The following DAP3 variants were observed in gnomAD, a reference collection of about 807,000 sequenced individuals.
DAP3 encodes the protein small ribosomal subunit protein mS29.
DAP3 carries 28 observed loss-of-function variants against 51.9 expected under a neutral mutation model. That is an observed-to-expected ratio of 0.54 (90% confidence interval 0.40 to 0.74). DAP3 has a LOEUF of 0.74. Ranked by LOEUF, DAP3 falls within the 30% of genes least tolerant of loss-of-function variation. The pLI, the probability that DAP3 is intolerant of heterozygous loss-of-function variation, is 0.00. For synonymous variants in DAP3, 170 were observed against 170.3 expected (o/e 1.00, Z 0.01); for missense variants, 458 against 483.5 (o/e 0.95, Z 0.49).
At position 155,729,115 on chromosome 1, in the gene DAP3, T is replaced by A. The variant is rs749717538; in HGVS notation, c.677T>A (p.Val226Asp). ...AAAGGGAGTCCTCTGGGAGAAGTGG[T>A]TGAACAGGTATAAGAAAAAACACTG... Reference protein sequence around the residue: ...TEKGSPLGEVVEQGITRVRNA... With the variant: ...TEKGSPLGEVDEQGITRVRNA... The change falls in exon 8 of 13, where the codon GTT becomes GAT. Residue 226 changes from valine (V) to aspartate (D), a missense_variant. By Grantham distance (152) the Val-to-Asp change is radical. Transcript: ENST00000368336. 2.5e-6 allele frequency: 4 copies of A among 1,614,016 alleles called. No homozygotes were observed. The highest frequency in any genetic ancestry group is 3.4e-6 in the Non-Finnish European group (4 of 1,179,996).
chr1:155,723,367 C>T (rs1436331391), intron 4 of DAP3, among the ~76,000 whole-genome samples: 1 of 151,922 alleles, frequency 6.6e-6, no homozygotes, highest in Non-Finnish European at 1.5e-5. Context: ...TCACTTTTGT[C>T]GCCCAGGCTG....
intron 10 of DAP3, among the ~76,000 whole-genome samples, chr1:155,731,738 A>G (rs1471370324): frequency 6.6e-6 from 1 of 152,172 alleles, no homozygotes; most frequent in African/African-American, 2.4e-5. Flanking sequence ...AGACCCACAA[A>G]TATGTCATGG....
In DAP3 at chr1:155,738,317, C is replaced by G; in HGVS notation, c.*75C>G. 6.5e-7 allele frequency: 1 copy of G among 1,535,098 alleles called. No homozygotes were observed. The highest frequency in any genetic ancestry group is 8.9e-7 in the Non-Finnish European group (1 of 1,118,792). On this transcript the variant is annotated 3_prime_UTR_variant, in exon 13 of 13. Coordinates refer to ENST00000368336, the MANE Select transcript of DAP3 (RefSeq NM_004632.4). Reference sequence around the variant, plus strand: ...GACCCAGTAAGATGAGGAAGTCGGGCAGTACACAGGAAGAGGAGCCAGGCC... The same window carrying G: ...GACCCAGTAAGATGAGGAAGTCGGGGAGTACACAGGAAGAGGAGCCAGGCC...
At chr1:155,698,203 G>A (rs763276102) in intron 1 of DAP3, among the ~76,000 whole-genome samples, 7 of 151,830 alleles carry the variant, frequency 4.6e-5, no homozygotes, top group East Asian at 1.9e-4. Flanking sequence ...CCCAGCTTAC[G>A]AAGATGACGG....
chr1:155,724,431 C>T (rs1179173971), intron 4 of DAP3, among the ~76,000 whole-genome samples: 5 of 150,148 alleles, frequency 3.3e-5, no homozygotes, highest in African/African-American at 9.8e-5. Flanking sequence ...GTCAGGAGTT[C>T]GAGACCAGCC....
At chr1:155,695,141 T>G (rs1338808075) in intron 1 of DAP3, among the ~76,000 whole-genome samples, 1 of 152,236 alleles carries the variant, frequency 6.6e-6, no homozygotes, top group Non-Finnish European at 1.5e-5. Context: ...TTAATTTTTG[T>G]GGAATTCCCA....
At chr1:155,714,906 A>G (rs1657147413) in intron 2 of DAP3, among the ~76,000 whole-genome samples, 1 of 151,992 alleles carries the variant, frequency 6.6e-6, no homozygotes, top group Non-Finnish European at 1.5e-5. Flanking sequence ...TCTGCACTCA[A>G]AAAGCTGCTT....
rs1659868685 is a variant in DAP3 at position 155,736,959 on chromosome 1, C to T, written c.1007C>T (p.Ala336Val). 1 of 1,613,418 alleles carries T rather than the reference C, an allele frequency of 6.2e-7. No homozygotes were observed. The highest frequency in any genetic ancestry group is 2.2e-5 in the East Asian group (1 of 44,866). The change falls in exon 12 of 13, where the codon GCC becomes GTC. Residue 336 changes from alanine (A) to valine (V), a missense_variant. By Grantham distance (64) the Ala-to-Val change is moderately conservative. Coordinates refer to ENST00000368336, the MANE Select transcript of DAP3 (RefSeq NM_004632.4). The part of the protein sequence containing the change: ...QELLGKEGFD[A>V]LDPFIPILVS... Reference sequence around the variant, plus strand: ...TTTCTTCCCCAGGAAGGATTTGATGCCCTGGATCCCTTTATTCCCATCCTG... The same window carrying T: ...TTTCTTCCCCAGGAAGGATTTGATGTCCTGGATCCCTTTATTCCCATCCTG...
At chr1:155,703,335 G>A (rs1420584806) in intron 1 of DAP3, among the ~76,000 whole-genome samples, 1 of 152,206 alleles carries the variant, frequency 6.6e-6, no homozygotes, top group Non-Finnish European at 1.5e-5. Context: ...GCAGGCAAGA[G>A]AGCATGAGAG....
chr1:155,694,812 C>A (rs1172244413), intron 1 of DAP3, among the ~76,000 whole-genome samples: 1 of 152,160 alleles, frequency 6.6e-6, no homozygotes, highest in Non-Finnish European at 1.5e-5. Context: ...AAAGTCCTTC[C>A]ACCACACAGG....
chr1:155,705,099 G>A (rs527607997), intron 1 of DAP3, among the ~76,000 whole-genome samples: 7 of 147,112 alleles, frequency 4.8e-5, no homozygotes, highest in African/African-American at 1.0e-4. Context: ...CAAGACCATC[G>A]CTGGCAACAT....
upstream of DAP3, chr1:155,688,031 G>A (rs1447995270): frequency 6.5e-7 from 1 of 1,530,184 alleles, no homozygotes; most frequent in Non-Finnish European, 8.8e-7. Flanking sequence ...CGCTGAGAGA[G>A]TGCTTAGGCC....
chr1:155,723,541 C>G (rs1166458926), intron 4 of DAP3, among the ~76,000 whole-genome samples: 1 of 151,924 alleles, frequency 6.6e-6, no homozygotes, highest in Non-Finnish European at 1.5e-5. Context: ...ATTGGCCAGG[C>G]TGGTCTCCAA....
At chr1:155,728,349 G>A (rs1409515683) in intron 7 of DAP3, among the ~76,000 whole-genome samples, 1 of 152,168 alleles carries the variant, frequency 6.6e-6, no homozygotes, top group African/African-American at 2.4e-5. Context: ...ATCACCTGAG[G>A]TCAGGAGTTC....
At chr1:155,730,819 C>T (rs1351019065) in intron 9 of DAP3, among the ~76,000 whole-genome samples, 1 of 151,948 alleles carries the variant, frequency 6.6e-6, no homozygotes, top group South Asian at 2.1e-4. Flanking sequence ...CAGAGGAGAT[C>T]AGAAGCATCA....
intron 9 of DAP3, among the ~76,000 whole-genome samples, chr1:155,731,005 C>A (rs1269982246): frequency 6.6e-6 from 1 of 152,086 alleles, no homozygotes; most frequent in African/African-American, 2.4e-5. Context: ...TGCAGTGGCT[C>A]ATGCTTGTAA....
chr1:155,689,467 C>T, intron 1 of DAP3: 1 of 460,326 alleles, frequency 2.2e-6, no homozygotes, highest in South Asian at 1.5e-5. Context: ...GTTAGACAGC[C>T]TGGTGATGGA....
Position 155,727,751 on chromosome 1 carries a change from C to G in DAP3, c.603+13C>G, listed in dbSNP as rs773886420. On this transcript the variant is annotated intron_variant, in intron 7 of 12. Coordinates refer to ENST00000368336, the MANE Select transcript of DAP3 (RefSeq NM_004632.4). Reference sequence around the variant, plus strand: ...CTTCCTGAACCAGGTGACTAGACTCCCAGAAGTTGAGTGCTAGGTAGTCCT... The same window carrying G: ...CTTCCTGAACCAGGTGACTAGACTCGCAGAAGTTGAGTGCTAGGTAGTCCT... 6 of 1,612,796 alleles carry G rather than the reference C, an allele frequency of 3.7e-6. No homozygotes were observed. The Admixed American group carries it at 8.4e-5, about 22-fold the overall frequency.
Position 155,689,646 on chromosome 1 carries a change from GC to G in DAP3, c.-8+473del, listed in dbSNP as rs371653645. 226 of 350,938 alleles carry G rather than the reference GC, an allele frequency of 6.4e-4. 2 individuals carry two copies. Among genetic ancestry groups the G allele is most frequent in the African/African-American group, 4.0e-3 (187 of 46,526 alleles). The allele number at this position is 350,938 out of a possible 1,614,324, so 21.7% of individuals were successfully genotyped here. ...TAATAAGATAGGGCTGGGCGCGGTG[GC>G]TCACGCCTGTAATCCCAGCACTTTG... is the stretch of plus-strand genomic sequence containing the variant. On this transcript the variant is annotated intron_variant, in intron 1 of 12. Coordinates refer to ENST00000368336, the MANE Select transcript of DAP3 (RefSeq NM_004632.4).
Sources: gnomAD v4.1 joint callset for allele counts (sites outside exome capture counted in the v4.1 genomes callset) on GRCh38, gnomAD v4.1.1 for gene constraint, MANE v1.5 for transcripts, NCBI Gene and HGNC (gene_info 2026-07-23, HGNC 2026-07-21) for gene names.